EIF2AK2: variants seen among roughly 807,000 people sequenced by gnomAD.
EIF2AK2 encodes interferon-induced, double-stranded RNA-activated protein kinase.
A neutral mutation model predicts 70.5 loss-of-function variants in EIF2AK2; 40 were observed. The ratio of observed to expected loss-of-function variants is 0.57; its 90% CI spans 0.44 to 0.74. The LOEUF is 0.74. Ranked by LOEUF, EIF2AK2 falls within the 30% of genes least tolerant of loss-of-function variation. EIF2AK2 has a pLI of 0.00. For synonymous variants in EIF2AK2, 198 were observed against 220.9 expected (o/e 0.90, Z 0.92); for missense variants, 555 against 644.3 (o/e 0.86, Z 1.50).
intron 13 of EIF2AK2, chr2:37,115,116 C>T (rs539037508): frequency 6.0e-4 from 102 of 171,182 alleles, no homozygotes; most frequent in African/African-American, 1.5e-3. Flanking sequence ...GGTGCTATCT[C>T]GGTTCACTGC....
At position 37,128,056 on chromosome 2, in the gene EIF2AK2, T is replaced by G. The variant is rs78302686; in HGVS notation, c.786-1645A>C. ...TGTGCTTGGCCTGTTCATGTAATTA[T>G]TTATTTAAAGTCGGTCATCCCCATG... On this transcript the variant is annotated intron_variant, in intron 10 of 16. Coordinates refer to ENST00000233057, the MANE Select transcript of EIF2AK2 (RefSeq NM_001135651.3). 1.6e-4 allele frequency among the ~76,000 whole-genome samples: 24 copies of G among 152,238 alleles called. No individual in the cohort carries two copies. In the East Asian group the frequency reaches 2.5e-3, roughly 16 times the overall value.
intron 1 of EIF2AK2, among the ~76,000 whole-genome samples, chr2:37,155,727 T>A (rs1349518850): frequency 1.3e-5 from 2 of 152,100 alleles, no homozygotes; most frequent in African/African-American, 4.8e-5. Context: ...TCCACTTCCT[T>A]TCCAGCAGAC....
intron 13 of EIF2AK2, among the ~76,000 whole-genome samples, chr2:37,118,700 G>A (rs1674431541): frequency 6.6e-6 from 1 of 152,206 alleles, no homozygotes; most frequent in Non-Finnish European, 1.5e-5. Context: ...TATTGTAGAA[G>A]AGACATATTG....
Position 37,147,616 on chromosome 2 carries a change from A to C in EIF2AK2, c.119+72T>G, listed in dbSNP as rs1675600091. On this transcript the variant is annotated intron_variant, in intron 3 of 16. Coordinates refer to ENST00000233057, the MANE Select transcript of EIF2AK2 (RefSeq NM_001135651.3). ...GCTGAGAATAATGGTTTCCAGCTTCATCCATGTCCCTACAAAGGACATGAA... is the reference window on the plus strand; with the variant it reads ...GCTGAGAATAATGGTTTCCAGCTTCCTCCATGTCCCTACAAAGGACATGAA... 4 of 990,384 alleles carry C rather than the reference A, an allele frequency of 4.0e-6. No individual in the cohort carries two copies. The Admixed American group carries it at 8.4e-5, about 21-fold the overall frequency. The allele number at this position is 990,384 out of a possible 1,614,324, so 61.3% of individuals were successfully genotyped here.
At chr2:37,120,202 TA>T in intron 12 of EIF2AK2, 63 bp from the exon 13 acceptor site, 3 of 1,080,710 alleles carry the variant, frequency 2.8e-6, no homozygotes, top group Non-Finnish European at 3.6e-6. Context: ...AAAAATTTTT[TA>T]TAACTTTTTA....
At chr2:37,141,478 A>G in intron 5 of EIF2AK2, 75 bp downstream of exon 5, 1 of 1,554,622 alleles carries the variant, frequency 6.4e-7, no homozygotes, top group Non-Finnish European at 8.7e-7. Context: ...ATTTCTGGAA[A>G]ATTAGACACG....
At chr2:37,119,737 G>A (rs1394843638) in intron 13 of EIF2AK2, among the ~76,000 whole-genome samples, 11 of 151,328 alleles carry the variant, frequency 7.3e-5, no homozygotes, top group East Asian at 5.8e-4. Flanking sequence ...GATTACAGGC[G>A]CACGCCACCA....
chr2:37,150,277 G>A (rs1230946223), intron 1 of EIF2AK2, among the ~76,000 whole-genome samples: 1 of 151,944 alleles, frequency 6.6e-6, no homozygotes, highest in African/African-American at 2.4e-5. Flanking sequence ...AGTTTGCCAT[G>A]AATAGAAAAG....
intron 11 of EIF2AK2, among the ~76,000 whole-genome samples, chr2:37,125,341 A>G (rs1354601782): frequency 6.6e-6 from 1 of 152,236 alleles, no homozygotes; most frequent in Admixed American, 6.5e-5. Flanking sequence ...CTCATCCCCT[A>G]GAATGACAAA....
intron 11 of EIF2AK2, 152 bp from the exon 12 acceptor site, chr2:37,122,816 A>C (rs1237902667): frequency 9.2e-6 from 9 of 973,264 alleles, no homozygotes; most frequent in Middle Eastern, 2.2e-4. Flanking sequence ...CAGGACATTC[A>C]AAAGGAAAAA....
At chr2:37,116,502 G>C (rs142997130) in intron 13 of EIF2AK2, among the ~76,000 whole-genome samples, 1 of 152,120 alleles carries the variant, frequency 6.6e-6, no homozygotes, top group Non-Finnish European at 1.5e-5. Flanking sequence ...CAGACTCTAC[G>C]GGATAACACA....
At chr2:37,139,844 G>A (rs1017512501) in intron 5 of EIF2AK2, 87 bp from the exon 6 acceptor site, 72 of 1,325,796 alleles carry the variant, frequency 5.4e-5, no homozygotes, top group Non-Finnish European at 7.3e-5. Flanking sequence ...CATATTAACA[G>A]AGATCTTAAG....
At chr2:37,112,083 G>C (rs1474260607) in intron 14 of EIF2AK2, among the ~76,000 whole-genome samples, 1 of 151,528 alleles carries the variant, frequency 6.6e-6, no homozygotes, top group African/African-American at 2.4e-5. Flanking sequence ...CATGCATTTT[G>C]CTCTGGGCAA....
intron 13 of EIF2AK2, among the ~76,000 whole-genome samples, chr2:37,118,850 G>T (rs1344219315): frequency 1.3e-5 from 2 of 152,130 alleles, no homozygotes; most frequent in African/African-American, 4.8e-5. Flanking sequence ...TTCTCTCAAG[G>T]AATTTTTTTG....
Position 37,144,364 on chromosome 2 carries a change from T to TAAAA in EIF2AK2, c.240+2485_240+2488dup, listed in dbSNP as rs35471741. Among the ~76,000 whole-genome samples, 293 of 146,916 alleles carry TAAAA rather than the reference T, an allele frequency of 2.0e-3. 1 individual carries two copies. The highest frequency in any genetic ancestry group is 6.9e-3 in the African/African-American group (278 of 40,208). ...TATTTTAGAAGTTACTCCTTCTACT[T>TAAAA]AAAAAAAAAAAAGTAAACTGTAAAA... On this transcript the variant is annotated intron_variant, in intron 4 of 16. Coordinates refer to ENST00000233057, the MANE Select transcript of EIF2AK2 (RefSeq NM_001135651.3).
chr2:37,127,970 G>C (rs1674801740), intron 10 of EIF2AK2, among the ~76,000 whole-genome samples: 1 of 152,090 alleles, frequency 6.6e-6, no homozygotes, highest in African/African-American at 2.4e-5. Context: ...TCGAACTCCT[G>C]ACCTCAAGTG....
At chr2:37,117,240 A>C (rs947235198) in intron 13 of EIF2AK2, among the ~76,000 whole-genome samples, 1 of 149,700 alleles carries the variant, frequency 6.7e-6, no homozygotes, top group African/African-American at 2.5e-5. Context: ...AAAAAGAAAA[A>C]AAGAAAAGAA....
rs1428059762 is a variant in EIF2AK2, at chr2:37,148,951, G to A, written c.-111C>T. ...CCAGAGAAGCAAACCTGAGTCAGAT[G>A]GAAGAACTGCTAAAGTTTTGAGGTC... On this transcript the variant is annotated 5_prime_UTR_variant, in exon 2 of 17. Transcript: ENST00000233057. 2 of 824,440 alleles carry A rather than the reference G, an allele frequency of 2.4e-6. No individual in the cohort carries two copies. Among genetic ancestry groups the A allele is most frequent in the Non-Finnish European group, 4.4e-6 (2 of 458,478 alleles). 51.1% of individuals were successfully genotyped at this position (824,440 alleles called of 1,614,324 possible). A position where few individuals can be genotyped will look rare whatever the true frequency, so the allele number is the denominator to read the frequency against.
intron 4 of EIF2AK2, among the ~76,000 whole-genome samples, chr2:37,144,950 A>C (rs1452210283): frequency 3.3e-5 from 5 of 152,024 alleles, no homozygotes; most frequent in Admixed American, 3.3e-4. Flanking sequence ...ACAGTGGCAC[A>C]ATCATGGCTC....
Sources: gnomAD v4.1 joint callset for allele counts (sites outside exome capture counted in the v4.1 genomes callset) on GRCh38, gnomAD v4.1.1 for gene constraint, MANE v1.5 for transcripts, NCBI Gene and HGNC (gene_info 2026-07-23, HGNC 2026-07-21) for gene names.